MAPT: variants seen among roughly 807,000 people sequenced by gnomAD.
The protein encoded by MAPT is microtubule associated protein tau.
MAPT carries 34 observed loss-of-function variants against 67.9 expected under a neutral mutation model. That is an observed-to-expected ratio of 0.50 (90% CI 0.38 to 0.67). The LOEUF (loss-of-function observed/expected upper bound fraction) is 0.67. Among genes scored for constraint, MAPT ranks in the 30% least tolerant of loss-of-function variants. The pLI, the probability that MAPT is intolerant of heterozygous loss-of-function variation, is 0.00. For missense variants in MAPT, 881 were observed against 1,115.2 expected, an observed-to-expected ratio of 0.79 and a Z score of 2.99; for synonymous variants, 456 against 464.5, an observed-to-expected ratio of 0.98 and a Z score of 0.23.
intron 6 of MAPT, among the ~76,000 whole-genome samples, chr17:45,988,187 A>T (rs560399683): frequency 6.6e-6 from 1 of 151,920 alleles, no homozygotes; most frequent in Admixed American, 6.6e-5. Flanking sequence ...TCCCATTGCT[A>T]CTTCATCTCC....
At chr17:45,900,800 T>A (rs930825373) in intron 1 of MAPT, among the ~76,000 whole-genome samples, 3 of 152,168 alleles carry the variant, frequency 2.0e-5, no homozygotes, top group Non-Finnish European at 4.4e-5. Flanking sequence ...ATTGTTTAGC[T>A]GCTTGGAGAG....
At chr17:45,912,099 G>A (rs2064837895) in intron 1 of MAPT, among the ~76,000 whole-genome samples, 1 of 152,196 alleles carries the variant, frequency 6.6e-6, no homozygotes, top group African/African-American at 2.4e-5. Context: ...AGGAAGGGTG[G>A]TGCCAGTTGA....
At chr17:45,999,917 GA>G (rs2074854645) in intron 9 of MAPT, among the ~76,000 whole-genome samples, 1 of 152,144 alleles carries the variant, frequency 6.6e-6, no homozygotes, top group African/African-American at 2.4e-5. Flanking sequence ...CAGGAAAAAA[GA>G]AAAAGAAAAA....
At chr17:45,987,882 G>A (rs1337512872) in intron 6 of MAPT, among the ~76,000 whole-genome samples, 2 of 152,212 alleles carry the variant, frequency 1.3e-5, no homozygotes, top group African/African-American at 4.8e-5. Flanking sequence ...GTCAATCACG[G>A]TGCACATTTA....
rs182255334 is a variant in MAPT at position 46,027,865 on chromosome 17, T to C, written c.*3694T>C. The C allele has an allele frequency of 2.6e-5, 4 of 152,474 alleles. No homozygotes were observed. Among genetic ancestry groups the C allele is most frequent in the African/African-American group, 4.8e-5 (2 of 41,584 alleles). The allele number at this position is 152,474 out of a possible 1,614,324, so 9.4% of individuals were successfully genotyped here. The stretch of plus-strand genomic sequence containing the variant: ...CCTTGGCATCCTTCCCTCTAAGCCG[T>C]TGGCACCTCTGTGCCACCTCTCACA... On this transcript the variant is annotated 3_prime_UTR_variant, in exon 13 of 13. Coordinates refer to ENST00000262410, the MANE Select transcript of MAPT (RefSeq NM_001377265.1).
intron 1 of MAPT, among the ~76,000 whole-genome samples, chr17:45,903,979 A>ATT (rs2063907995): frequency 2.8e-5 from 1 of 35,638 alleles, no homozygotes; most frequent in African/African-American, 9.9e-5. Context: ...TATATTATAT[A>ATT]TTATATATTT....
In MAPT at chr17:46,024,219, A is replaced by G; in HGVS notation, c.*48A>G. On this transcript the variant is annotated 3_prime_UTR_variant, in exon 13 of 13. Transcript: ENST00000262410. ...AATTGTGGAGAGGAGAGAATGAGAG[A>G]GTGTGGAAAAAAAAAGAATAATGAC... The G allele has an allele frequency of 6.5e-7, 1 of 1,538,156 alleles. No homozygotes were observed. Among genetic ancestry groups the G allele is most frequent in the Non-Finnish European group, 9.0e-7 (1 of 1,113,342 alleles).
chr17:46,017,176 G>A (rs1166273160), intron 11 of MAPT, among the ~76,000 whole-genome samples: 1 of 152,226 alleles, frequency 6.6e-6, no homozygotes, highest in Admixed American at 6.5e-5. Flanking sequence ...GCTGGGAGCT[G>A]CTTTTGTCAT....
intron 11 of MAPT, among the ~76,000 whole-genome samples, chr17:46,015,730 G>A (rs2146106304): frequency 6.6e-6 from 1 of 152,288 alleles, no homozygotes; most frequent in South Asian, 2.1e-4. Flanking sequence ...TGGATTGTTT[G>A]TAACACAAAG....
chr17:46,000,492 C>T (rs1006965542), intron 9 of MAPT, among the ~76,000 whole-genome samples: 11 of 152,148 alleles, frequency 7.2e-5, no homozygotes, highest in South Asian at 2.1e-4. Flanking sequence ...CCGTAGGCCC[C>T]GCCGATCTTG....
intron 1 of MAPT, chr17:45,908,350 C>G (rs1214452619): frequency 6.6e-6 from 1 of 152,226 alleles, no homozygotes; most frequent in Admixed American, 6.5e-5. Flanking sequence ...CAGGTAAGCC[C>G]AGGGAAGATG....
intron 1 of MAPT, among the ~76,000 whole-genome samples, chr17:45,919,667 G>A (rs982516369): frequency 6.6e-6 from 1 of 152,232 alleles, no homozygotes; most frequent in Non-Finnish European, 1.5e-5. Context: ...CGGCACTTTG[G>A]GAGGCCAAGG....
intron 1 of MAPT, among the ~76,000 whole-genome samples, chr17:45,940,101 A>G (rs111391831): frequency 2.6e-4 from 39 of 152,370 alleles, no homozygotes; most frequent in African/African-American, 8.4e-4. Flanking sequence ...AAGACAGCCT[A>G]TATACTACAA....
intron 1 of MAPT, among the ~76,000 whole-genome samples, chr17:45,947,029 A>G (rs2068578157): frequency 6.6e-6 from 1 of 152,092 alleles, no homozygotes; most frequent in Non-Finnish European, 1.5e-5. Flanking sequence ...TCCTTTCTGT[A>G]TGCTCCTTAT....
chr17:45,984,557 C>T (rs1274247686), intron 5 of MAPT, among the ~76,000 whole-genome samples: 1 of 152,238 alleles, frequency 6.6e-6, no homozygotes, highest in African/African-American at 2.4e-5. Context: ...CCAGAGGTGG[C>T]CCAGAGCTCA....
intron 1 of MAPT, among the ~76,000 whole-genome samples, chr17:45,938,069 A>G (rs1327603182): frequency 2.6e-5 from 4 of 152,216 alleles, no homozygotes; most frequent in Admixed American, 2.6e-4. Context: ...TTAAAGTACT[A>G]GTCCACATTA....
intron 3 of MAPT, chr17:45,973,457 G>T (rs62063775): frequency 0.14 from 22,006 of 152,192 alleles, 2,137 homozygotes; most frequent in Non-Finnish European, 0.22. Context: ...CAAACAAGTC[G>T]CAATGCCCTC....
At chr17:46,004,904 C>T (rs1238883168) in intron 9 of MAPT, among the ~76,000 whole-genome samples, 1 of 152,176 alleles carries the variant, frequency 6.6e-6, no homozygotes, top group Non-Finnish European at 1.5e-5. Flanking sequence ...CTGTCTCAGC[C>T]TCCCAAGTAG....
intron 1 of MAPT, among the ~76,000 whole-genome samples, chr17:45,919,622 AC>A (rs1282238243): frequency 2.0e-5 from 3 of 152,182 alleles, no homozygotes; most frequent in Admixed American, 1.3e-4. Flanking sequence ...AAGGGCTTAA[AC>A]GGGTTGGGGC....
Sources: gnomAD v4.1 joint callset for allele counts (sites outside exome capture counted in the v4.1 genomes callset) on GRCh38, gnomAD v4.1.1 for gene constraint, MANE v1.5 for transcripts, NCBI Gene and HGNC (gene_info 2026-07-23, HGNC 2026-07-21) for gene names.